The following SLC4A8 variants were observed in gnomAD, a reference collection of about 807,000 sequenced individuals.
The protein encoded by SLC4A8 is electroneutral sodium bicarbonate exchanger 1.
In SLC4A8, 40 loss-of-function variants were observed where a neutral mutation model predicts 125.0. The observed-to-expected ratio is 0.32, with a 90% CI of 0.25 to 0.42. The LOEUF is 0.42. Among genes scored for constraint, SLC4A8 ranks in the 10% least tolerant of loss-of-function variants. The pLI is 1.00. For synonymous variants in SLC4A8, 456 were observed against 476.0 expected (o/e 0.96, Z 0.55); for missense variants, 863 against 1,355.1 (o/e 0.64, Z 5.70).
At chr12:51,406,604 G>A (rs1268256687) in intron 1 of SLC4A8, among the ~76,000 whole-genome samples, 1 of 152,216 alleles carries the variant, frequency 6.6e-6, no homozygotes, top group Non-Finnish European at 1.5e-5. Flanking sequence ...AGTTTGCCAG[G>A]TAGGTAAGTG....
intron 5 of SLC4A8, among the ~76,000 whole-genome samples, chr12:51,455,173 A>G (rs1182603853): frequency 6.6e-6 from 1 of 150,514 alleles, no homozygotes; most frequent in East Asian, 1.9e-4. Context: ...TTTTCTTAGC[A>G]CATAACAAAA....
chr12:51,411,291 A>G (rs1948593248), intron 1 of SLC4A8, among the ~76,000 whole-genome samples: 1 of 151,972 alleles, frequency 6.6e-6, no homozygotes, highest in Non-Finnish European at 1.5e-5. Context: ...TTTATCTTTA[A>G]AAAGTCTTTC....
At chr12:51,410,279 G>A (rs1460725317) in intron 1 of SLC4A8, among the ~76,000 whole-genome samples, 1 of 152,132 alleles carries the variant, frequency 6.6e-6, no homozygotes, top group South Asian at 2.1e-4. Context: ...TGAGATACTC[G>A]GTTACACATT....
At chr12:51,454,592 G>C in intron 5 of SLC4A8, among the ~76,000 whole-genome samples, 1 of 92,940 alleles carries the variant, frequency 1.1e-5, no homozygotes, top group Admixed American at 1.1e-4. Context: ...ATTAAGTGCT[G>C]TGCTTTTAGA....
At chr12:51,450,741 A>G in intron 2 of SLC4A8, 135 bp from the exon 3 acceptor site, 1 of 911,276 alleles carries the variant, frequency 1.1e-6, no homozygotes, top group Non-Finnish European at 1.7e-6. Context: ...AAGTCTTTGA[A>G]GTTTTGTTGT....
intron 1 of SLC4A8, among the ~76,000 whole-genome samples, chr12:51,403,959 C>G (rs571028838): frequency 6.6e-6 from 1 of 152,354 alleles, no homozygotes; most frequent in East Asian, 1.9e-4. Flanking sequence ...TGCACAACCA[C>G]AGGTGGTGGC....
intron 1 of SLC4A8, among the ~76,000 whole-genome samples, chr12:51,403,609 TC>T (rs1313123838): frequency 6.6e-6 from 1 of 152,164 alleles, no homozygotes; most frequent in Non-Finnish European, 1.5e-5. Flanking sequence ...ATGTTACCAT[TC>T]AGTGGGGGAG....
rs1361814039 is a variant in SLC4A8 at position 51,510,739 on chromosome 12, C to T, written c.*3301C>T. On this transcript the variant is annotated 3_prime_UTR_variant, in exon 25 of 25. Coordinates refer to ENST00000453097, the MANE Select transcript of SLC4A8 (RefSeq NM_001039960.3). The stretch of plus-strand genomic sequence containing the variant: ...GAAACTGTCTTGGAAGTGCAGCCCT[C>T]CTCCTGTGTGGCTAGAGAAAGAGAT... 6 of 152,176 alleles carry T rather than the reference C, an allele frequency of 3.9e-5. No homozygotes were observed. Among genetic ancestry groups the T allele is most frequent in the Non-Finnish European group, 5.9e-5 (4 of 68,060 alleles). The allele number at this position is 152,176 out of a possible 1,614,324, so 9.4% of individuals were successfully genotyped here. A position where few individuals can be genotyped will look rare whatever the true frequency, so the allele number is the denominator to read the frequency against.
intron 1 of SLC4A8, among the ~76,000 whole-genome samples, chr12:51,403,727 C>G (rs1473981602): frequency 6.6e-6 from 1 of 152,206 alleles, no homozygotes; most frequent in Non-Finnish European, 1.5e-5. Context: ...TATTTAACAC[C>G]CGGCAATAAT....
intron 7 of SLC4A8, among the ~76,000 whole-genome samples, chr12:51,458,957 G>A (rs960576006): frequency 6.6e-6 from 1 of 152,168 alleles, no homozygotes; most frequent in African/African-American, 2.4e-5. Flanking sequence ...CTGCTCTCCA[G>A]CAGTTCCTTC....
chr12:51,454,238 G>A (rs1461937384), intron 5 of SLC4A8, among the ~76,000 whole-genome samples: 4 of 152,288 alleles, frequency 2.6e-5, no homozygotes, highest in East Asian at 1.9e-4. Context: ...TCAAGGCTGC[G>A]GTGAGTCAAG....
intron 9 of SLC4A8, 85 bp downstream of exon 9, chr12:51,461,376 G>A: frequency 1.2e-6 from 1 of 815,686 alleles, no homozygotes; most frequent in Admixed American, 1.9e-5. Context: ...CTAGTTATTG[G>A]GGATAAAATA....
intron 16 of SLC4A8, among the ~76,000 whole-genome samples, chr12:51,481,900 G>A (rs1282934671): frequency 2.0e-5 from 3 of 152,070 alleles, no homozygotes; most frequent in African/African-American, 7.2e-5. Flanking sequence ...GCTGTAGTGA[G>A]CTGTGATGAT....
Position 51,392,583 on chromosome 12 carries a change from A to AG in SLC4A8, c.-112+1095_-112+1096insG, listed in dbSNP as rs1555183498. On this transcript the variant is annotated intron_variant, in intron 1 of 24. Coordinates refer to the SLC4A8 transcript ENST00000358657. ...CGAGATTCCGTATCAAAAAAAAAAA[A>AG]AAAGAAAAAAAGAAAAGAAAAGAAA... 7.5e-4 allele frequency among the ~76,000 whole-genome samples: 113 copies of AG among 150,908 alleles called. 1 individual carries two copies. Among genetic ancestry groups the AG allele is most frequent in the African/African-American group, 1.2e-3 (49 of 41,104 alleles).
At chr12:51,479,730 A>G (rs1950965280) in intron 16 of SLC4A8, among the ~76,000 whole-genome samples, 1 of 151,414 alleles carries the variant, frequency 6.6e-6, no homozygotes, top group Non-Finnish European at 1.5e-5. Context: ...TAGCAAGTGT[A>G]TTTTGAGCAA....
rs987236631 is a variant in SLC4A8 at position 51,513,370 on chromosome 12, T to TG, written c.*5936dup. 3.9e-5 allele frequency: 6 copies of TG among 152,194 alleles called. No individual in the cohort carries two copies. The highest frequency in any genetic ancestry group is 1.4e-4 in the African/African-American group (6 of 41,444). The allele number at this position is 152,194 out of a possible 1,614,324, so 9.4% of individuals were successfully genotyped here. ...GTGTAGAGACCTGGATTTGGGGTAG[T>TG]GGGGTAGTAAACCATATATTTCCAA... On this transcript the variant is annotated 3_prime_UTR_variant, in exon 25 of 25. Coordinates refer to ENST00000453097, the MANE Select transcript of SLC4A8 (RefSeq NM_001039960.3).
At chr12:51,414,319 TG>T (rs1478304571) in intron 1 of SLC4A8, among the ~76,000 whole-genome samples, 18 of 152,324 alleles carry the variant, frequency 1.2e-4, no homozygotes, top group African/African-American at 3.8e-4. Flanking sequence ...AAGAGTTTTT[TG>T]GTGGAGTCCT....
intron 1 of SLC4A8, among the ~76,000 whole-genome samples, chr12:51,410,656 C>T (rs1469571595): frequency 1.3e-5 from 2 of 152,036 alleles, no homozygotes; most frequent in Non-Finnish European, 2.9e-5. Flanking sequence ...GACGGGGTTT[C>T]ACCATGTTGG....
chr12:51,497,305 A>C, intron 22 of SLC4A8, 181 bp downstream of exon 22: 1 of 695,086 alleles, frequency 1.4e-6, no homozygotes, highest in Non-Finnish European at 2.3e-6. Context: ...TCTGTTCTTA[A>C]TTTTTGGGTT....
Sources: allele counts gnomAD v4.1 joint callset (sites outside exome capture counted in the v4.1 genomes callset), GRCh38; gene constraint gnomAD v4.1.1; transcripts MANE v1.5; gene names NCBI Gene and HGNC (gene_info 2026-07-23, HGNC 2026-07-21).